KANK1: variants seen among roughly 807,000 people sequenced by gnomAD.
KANK1 encodes the protein KN motif and ankyrin repeat domain-containing protein 1.
A neutral mutation model predicts 106.2 loss-of-function variants in KANK1; 109 were observed. That is an observed-to-expected ratio of 1.03 (90% CI 0.88 to 1.20). KANK1 has a LOEUF of 1.20. KANK1 is among the 50% of genes most tolerant of loss of function. The pLI, the probability that KANK1 is intolerant of heterozygous loss-of-function variation, is 0.00. For synonymous variants in KANK1, 873 were observed against 652.2 expected (o/e 1.34, Z -5.16); for missense variants, 2,399 against 1,710.7 (o/e 1.40, Z -7.10).
At chr9:553,807 T>C (rs1427144221) in intron 1 of KANK1, among the ~76,000 whole-genome samples, 4 of 152,138 alleles carry the variant, frequency 2.6e-5, no homozygotes, top group African/African-American at 9.7e-5. Flanking sequence ...CTAAGAAATA[T>C]TAGAAAATAA....
intron 3 of KANK1, among the ~76,000 whole-genome samples, chr9:478,681 C>T (rs1242980982): frequency 6.6e-6 from 1 of 152,198 alleles, no homozygotes; most frequent in African/African-American, 2.4e-5. Flanking sequence ...AGACAATAGC[C>T]ACTTACCTTT....
chr9:696,559 A>G (rs528452427), intron 2 of KANK1, among the ~76,000 whole-genome samples: 1 of 152,170 alleles, frequency 6.6e-6, no homozygotes, highest in African/African-American at 2.4e-5. Flanking sequence ...TGTGCTGGGT[A>G]GAGGGGATAG....
intron 1 of KANK1, among the ~76,000 whole-genome samples, chr9:657,859 G>T (rs543862255): frequency 2.0e-5 from 3 of 151,908 alleles, no homozygotes; most frequent in African/African-American, 7.3e-5. Context: ...TTTCCATTTG[G>T]CATGAGCCTT....
intron 2 of KANK1, among the ~76,000 whole-genome samples, chr9:687,648 T>A (rs533360475): frequency 6.6e-6 from 1 of 152,260 alleles, no homozygotes; most frequent in East Asian, 1.9e-4. Flanking sequence ...TTGACCTGGA[T>A]ATCTTTCCCA....
At chr9:593,735 AG>A (rs1274113457) in intron 1 of KANK1, among the ~76,000 whole-genome samples, 1 of 151,852 alleles carries the variant, frequency 6.6e-6, no homozygotes, top group Non-Finnish European at 1.5e-5. Flanking sequence ...CCCACGACAG[AG>A]GAAGAAATGG....
chr9:618,534 A>G (rs1190253282), intron 1 of KANK1, among the ~76,000 whole-genome samples: 1 of 152,174 alleles, frequency 6.6e-6, no homozygotes, highest in Non-Finnish European at 1.5e-5. Flanking sequence ...AAATGAAGAA[A>G]CAGATATTTT....
At chr9:688,731 C>A (rs1291570553) in intron 2 of KANK1, among the ~76,000 whole-genome samples, 3 of 152,158 alleles carry the variant, frequency 2.0e-5, no homozygotes, top group East Asian at 3.8e-4. Context: ...TTGGAAAGTT[C>A]TTCCTGGCTG....
At chr9:480,689 C>G (rs1365551250) in intron 3 of KANK1, among the ~76,000 whole-genome samples, 2 of 152,220 alleles carry the variant, frequency 1.3e-5, no homozygotes, top group Non-Finnish European at 2.9e-5. Context: ...GTGGAACATA[C>G]TTCCTCCTAA....
chr9:610,018 T>C (rs576400458), intron 1 of KANK1, among the ~76,000 whole-genome samples: 60 of 152,284 alleles, frequency 3.9e-4, no homozygotes, highest in African/African-American at 1.4e-3. Context: ...TTTACAATTA[T>C]AATGATAAAT....
At chr9:601,514 T>G (rs767538377) in intron 1 of KANK1, among the ~76,000 whole-genome samples, 1 of 151,884 alleles carries the variant, frequency 6.6e-6, no homozygotes, top group African/African-American at 2.4e-5. Flanking sequence ...AGTTATGCTT[T>G]TTTTTGTTTT....
chr9:673,958 T>C (rs1330264397), intron 1 of KANK1: 1 of 152,156 alleles, frequency 6.6e-6, no homozygotes, highest in Non-Finnish European at 1.5e-5. Context: ...ACTGGGCTTC[T>C]TTCCTTTGCC....
intron 1 of KANK1, among the ~76,000 whole-genome samples, chr9:622,271 C>A (rs767794995): frequency 2.1e-4 from 32 of 152,286 alleles, no homozygotes; most frequent in Middle Eastern, 6.8e-3. Context: ...TGTATATTGT[C>A]ACTTCATGCT....
rs192423726 is a variant in KANK1 at position 624,905 on chromosome 9, C to T, written c.-83-51985C>T. On this transcript the variant is annotated intron_variant, in intron 1 of 11. Coordinates refer to ENST00000382297, the MANE Select transcript of KANK1 (RefSeq NM_015158.5). ...TCTCTGAGGAAAAGGGGTGTGCAGC[C>T]GGACAGGCTTCAGTTTAAAAGCTTA... 4.0e-4 allele frequency among the ~76,000 whole-genome samples: 61 copies of T among 152,314 alleles called. 1 individual carries two copies. Among genetic ancestry groups the T allele is most frequent in the African/African-American group, 1.4e-3 (58 of 41,564 alleles).
intron 1 of KANK1, among the ~76,000 whole-genome samples, chr9:572,788 T>A (rs776417042): frequency 6.6e-6 from 1 of 152,214 alleles, no homozygotes; most frequent in Non-Finnish European, 1.5e-5. Flanking sequence ...ACTCATGAGT[T>A]AAAACATCGC....
At chr9:707,217 G>C (rs1824536205) in intron 2 of KANK1, 1 of 986,252 alleles carries the variant, frequency 1.0e-6, no homozygotes, top group Non-Finnish European at 1.2e-6. Context: ...GGGCAGCGCG[G>C]GCTGGCGGGG....
chr9:738,236 C>G, intron 7 of KANK1, 49 bp from the exon 8 acceptor site: 1 of 1,491,104 alleles, frequency 6.7e-7, no homozygotes, highest in Non-Finnish European at 9.2e-7. Flanking sequence ...AACTAGGTCT[C>G]AGAAAGTCTA....
intron 3 of KANK1, among the ~76,000 whole-genome samples, chr9:480,886 A>T (rs2058192324): frequency 6.6e-6 from 1 of 152,238 alleles, no homozygotes; most frequent in African/African-American, 2.4e-5. Flanking sequence ...AGAGGACTGG[A>T]GAGGCACAGC....
intron 1 of KANK1, among the ~76,000 whole-genome samples, chr9:655,852 T>C (rs1324429302): frequency 2.0e-5 from 3 of 152,172 alleles, no homozygotes; most frequent in African/African-American, 7.2e-5. Flanking sequence ...TTACTCAGAG[T>C]TTCAATCAAA....
chr9:601,049 G>C (rs1368435399), intron 1 of KANK1, among the ~76,000 whole-genome samples: 1 of 151,692 alleles, frequency 6.6e-6, no homozygotes, highest in Non-Finnish European at 1.5e-5. Flanking sequence ...AGAAAAGAAA[G>C]CCAGATGGAA....
Sources: gnomAD v4.1 joint callset for allele counts (sites outside exome capture counted in the v4.1 genomes callset) on GRCh38, gnomAD v4.1.1 for gene constraint, MANE v1.5 for transcripts, NCBI Gene and HGNC (gene_info 2026-07-23, HGNC 2026-07-21) for gene names.